Variants in EXD1 observed in about 807,000 individuals in gnomAD.
EXD1 encodes piRNA biogenesis protein EXD1.
A neutral mutation model predicts 49.1 loss-of-function variants in EXD1; 63 were observed. The observed-to-expected ratio is 1.28, with a 90% CI of 1.05 to 1.58. EXD1 has a LOEUF of 1.58. EXD1 is among the 40% of genes most tolerant of loss of function. The pLI is 0.00. For synonymous variants in EXD1, 234 were observed against 239.2 expected (o/e 0.98, Z 0.20); for missense variants, 748 against 666.0 (o/e 1.12, Z -1.36).
intron 7 of EXD1, among the ~76,000 whole-genome samples, chr15:41,196,909 T>G (rs1374543521): frequency 1.3e-5 from 2 of 152,138 alleles, no homozygotes; most frequent in East Asian, 3.9e-4. Flanking sequence ...CACTGCAAAT[T>G]CAACCACCCA....
chr15:41,215,819 T>G lies in EXD1; in HGVS notation c.403A>C (p.Thr135Pro). The change falls in exon 6 of 12, where the codon ACA becomes CCA. Residue 135 changes from threonine to proline, a missense_variant. Transcript: ENST00000458580. ...KYSPSEEEEV[T>P]YTVINQFQQK... ...TGGAATTGATTAATGACTGTGTATG[T>G]CACCTCCTCTTCCTCTACAAGACAA... The G allele has an allele frequency of 6.2e-7, 1 of 1,614,038 alleles. No homozygotes were observed. Among genetic ancestry groups the G allele is most frequent in the Non-Finnish European group, 8.5e-7 (1 of 1,179,936 alleles).
At position 41,188,930 on chromosome 15, in the gene EXD1, G is replaced by C. The variant is rs565146562; in HGVS notation, c.1056+1007C>G. ...CTGTTCTCCTGCCTCAGCATCCTGAGTAGATGGGATTACAGGCATGTGCCA... is the reference window on the plus strand; with the variant it reads ...CTGTTCTCCTGCCTCAGCATCCTGACTAGATGGGATTACAGGCATGTGCCA... On this transcript the variant is annotated intron_variant, in intron 11 of 11. Coordinates refer to ENST00000458580, the MANE Select transcript of EXD1 (RefSeq NM_001286441.2). Among the ~76,000 whole-genome samples the C allele has an allele frequency of 3.8e-3, 577 of 150,832 alleles. 3 individuals are homozygous for C. Among genetic ancestry groups the C allele is most frequent in the South Asian group, 0.02 (96 of 4,774 alleles).
chr15:41,197,294 C>G (rs899944903), intron 7 of EXD1, among the ~76,000 whole-genome samples: 4 of 148,478 alleles, frequency 2.7e-5, no homozygotes, highest in African/African-American at 1.0e-4. Context: ...GTGGCACGAT[C>G]TCGACTCACT....
chr15:41,206,464 A>C (rs1206292914), intron 7 of EXD1, among the ~76,000 whole-genome samples: 9 of 133,942 alleles, frequency 6.7e-5, no homozygotes, highest in African/African-American at 2.7e-4. Flanking sequence ...CAACAGAGAG[A>C]CCCTGTCTCG....
Position 41,230,407 on chromosome 15 carries a change from T to A in EXD1, c.-54+72A>T. The A allele has an allele frequency of 2.0e-6, 3 of 1,504,584 alleles. No individual in the cohort carries two copies. In the South Asian group the frequency reaches 3.4e-5, roughly 17 times the overall value. 93.2% of individuals were successfully genotyped at this position (1,504,584 alleles called of 1,614,324 possible). ...CTACCTTTTTAATCAAAACAAACAA[T>A]ACACCATGAGAATAAAATGCAAAAT... On this transcript the variant is annotated intron_variant, in intron 1 of 11. Coordinates refer to ENST00000458580, the MANE Select transcript of EXD1 (RefSeq NM_001286441.2).
chr15:41,193,804 C>G (rs1274483776), intron 9 of EXD1, among the ~76,000 whole-genome samples: 1 of 151,590 alleles, frequency 6.6e-6, no homozygotes, highest in Admixed American at 6.6e-5. Flanking sequence ...GTAAGAAAAG[C>G]TAATAAAATA....
In EXD1 at chr15:41,225,011, T is replaced by G. The variant is rs1477740593; in HGVS notation, c.133+1432A>C. On this transcript the variant is annotated intron_variant, in intron 2 of 11. Transcript: ENST00000458580. ...CTATGTTTCTTTTGCATTTGCCTGT[T>G]CTTGAGCTTTATCCTTTATGATAAC... Among the ~76,000 whole-genome samples the G allele has an allele frequency of 2.0e-5, 3 of 152,146 alleles. No individual in the cohort carries two copies. The East Asian group carries it at 5.8e-4, about 29-fold the overall frequency.
Position 41,191,572 on chromosome 15 carries a change from A to G in EXD1, c.734T>C (p.Leu245Pro), listed in dbSNP as rs779212525. The change falls in exon 10 of 12, where the codon CTT (leucine) becomes CCT (proline). Residue 245 changes from leucine to proline, a missense_variant. Transcript: ENST00000458580. The stretch of plus-strand genomic sequence containing the variant: ...GCCACCCGTTTCCATGGAAAACTGA[A>G]GTACATCTGCTACCTGTGGTATTTT... ...NVFDTQVADV[L>P]QFSMETGGYL... 2 of 1,614,014 alleles carry G rather than the reference A, an allele frequency of 1.2e-6. No individual in the cohort carries two copies. Among genetic ancestry groups the G allele is most frequent in the Admixed American group, 3.3e-5 (2 of 59,956 alleles).
intron 7 of EXD1, among the ~76,000 whole-genome samples, chr15:41,208,445 C>T (rs2046869785): frequency 6.7e-6 from 1 of 149,208 alleles, no homozygotes; most frequent in South Asian, 2.1e-4. Flanking sequence ...TTCTTCAAGG[C>T]TAACTACAAA....
chr15:41,211,024 A>G (rs1253508712), intron 6 of EXD1, among the ~76,000 whole-genome samples: 1 of 152,108 alleles, frequency 6.6e-6, no homozygotes, highest in East Asian at 1.9e-4. Context: ...AGAATTCCTA[A>G]TTACCTCTTC....
Position 41,219,893 on chromosome 15 carries a change from T to C in EXD1, c.139A>G (p.Asn47Asp). ...GGGACACTTCGACCTGTCTCCACAT[T>C]CTTCACTGTTACAGAAAACAATTCA... ...NKIVVLKKVK[N>D]VETGRSVPGV... The change falls in exon 3 of 12, where the codon AAT (asparagine) becomes GAT (aspartate). Residue 47 changes from asparagine (N) to aspartate (D), a missense_variant. Transcript: ENST00000458580. The C allele has an allele frequency of 6.5e-7, 1 of 1,534,878 alleles. No individual in the cohort carries two copies. Among genetic ancestry groups the C allele is most frequent in the Non-Finnish European group, 8.7e-7 (1 of 1,146,374 alleles).
intron 6 of EXD1, among the ~76,000 whole-genome samples, chr15:41,214,387 C>T (rs541385659): frequency 6.6e-6 from 1 of 151,652 alleles, no homozygotes; most frequent in South Asian, 2.1e-4. Context: ...GTGGTGCATG[C>T]CTGTAATACC....
At chr15:41,201,707 C>G (rs2046731746) in intron 7 of EXD1, among the ~76,000 whole-genome samples, 1 of 151,986 alleles carries the variant, frequency 6.6e-6, no homozygotes, top group African/African-American at 2.4e-5. Flanking sequence ...CCAGGCTGGT[C>G]TCAAATCCCT....
chr15:41,184,466 G>C lies in EXD1; in HGVS notation c.1184C>G (p.Pro395Arg). ...QGLLIRTVLQ[P>R]KKLVTETAGK... ...TGCTGTCTCTGTCACTAATTTCTTT[G>C]GCTGTAGCACTGTCCTTATCAGGAG... Residue 395 changes from proline to arginine, a missense_variant, in exon 12 of 12, where the codon CCA becomes CGA. By Grantham distance (103) the Pro-to-Arg change is moderately radical. Transcript: ENST00000458580. 6.2e-7 allele frequency: 1 copy of C among 1,613,980 alleles called. No individual in the cohort carries two copies. The highest frequency in any genetic ancestry group is 8.5e-7 in the Non-Finnish European group (1 of 1,180,018).
intron 5 of EXD1, among the ~76,000 whole-genome samples, chr15:41,216,278 G>T (rs2046997227): frequency 6.6e-6 from 1 of 150,578 alleles, no homozygotes; most frequent in Non-Finnish European, 1.5e-5. Flanking sequence ...AGTAAAGAGA[G>T]CCTAGTTGAA....
chr15:41,186,283 C>G (rs753779494), intron 11 of EXD1, among the ~76,000 whole-genome samples: 11 of 151,922 alleles, frequency 7.2e-5, no homozygotes, highest in Non-Finnish European at 1.5e-4. Flanking sequence ...ACCAGTCTGA[C>G]CAACATGGCC....
chr15:41,214,184 A>AAAACAAAACC (rs1277135129), intron 6 of EXD1, among the ~76,000 whole-genome samples: 1 of 151,902 alleles, frequency 6.6e-6, no homozygotes. Context: ...AAAACAAAAC[A>AAAACAAAACC]AAAACCTTTT....
At position 41,195,958 on chromosome 15, in the gene EXD1, A is replaced by T; in HGVS notation, c.614T>A (p.Ile205Lys). The T allele has an allele frequency of 6.2e-7, 1 of 1,612,074 alleles. No individual in the cohort carries two copies. The highest frequency in any genetic ancestry group is 8.5e-7 in the Non-Finnish European group (1 of 1,179,502). ...CTTCAAAATTCTCTTGTCTTCTAGT[A>T]TCATCTGAAGTCCATTGTGGAAAGC... is the stretch of plus-strand genomic sequence containing the variant. ...SRAFHNGLQMILEDKRILKVI... is the reference protein window; with the variant it reads ...SRAFHNGLQMKLEDKRILKVI... The change falls in exon 8 of 12, where the codon ATA (isoleucine) becomes AAA (lysine). Residue 205 changes from isoleucine to lysine, a missense_variant. Coordinates refer to ENST00000458580, the MANE Select transcript of EXD1 (RefSeq NM_001286441.2).
In EXD1 at chr15:41,183,994, G is replaced by C; in HGVS notation, c.1656C>G (p.Leu552=). The stretch of plus-strand genomic sequence containing the variant: ...TCTTCTCCAAGGCTGGACAGGGAGG[G>C]AGTGTGGAAACCACAGTCTTTCTGA... The part of the protein sequence containing the change: ...YPIRKTVVST[L]PPCPALEKID... Residue 552 remains leucine (L), a synonymous_variant, in exon 12 of 12, where the codon CTC becomes CTG. Coordinates refer to ENST00000458580, the MANE Select transcript of EXD1 (RefSeq NM_001286441.2). The C allele has an allele frequency of 6.2e-7, 1 of 1,614,044 alleles. No individual in the cohort carries two copies. Among genetic ancestry groups the C allele is most frequent in the East Asian group, 2.2e-5 (1 of 44,882 alleles).
Sources: gnomAD v4.1 joint callset for allele counts (sites outside exome capture counted in the v4.1 genomes callset) on GRCh38, gnomAD v4.1.1 for gene constraint, MANE v1.5 for transcripts, NCBI Gene and HGNC (gene_info 2026-07-23, HGNC 2026-07-21) for gene names.